The following CDH23 variants were observed in gnomAD, a reference collection of about 807,000 sequenced individuals.
The protein encoded by CDH23 is cadherin related 23.
A neutral mutation model predicts 317.1 loss-of-function variants in CDH23; 189 were observed. The observed-to-expected ratio is 0.60, with a 90% CI of 0.53 to 0.67. The LOEUF (loss-of-function observed/expected upper bound fraction) is 0.67. Among genes scored for constraint, CDH23 ranks in the 30% least tolerant of loss-of-function variants. The pLI is 0.00. For synonymous variants in CDH23, 1,839 were observed against 1,876.8 expected, an observed-to-expected ratio of 0.98 and a Z score of 0.52; for missense variants, 4,401 against 4,592.4, an observed-to-expected ratio of 0.96 and a Z score of 1.20.
intron 3 of CDH23, among the ~76,000 whole-genome samples, chr10:71,468,132 G>C (rs1851341605): frequency 6.6e-6 from 1 of 152,172 alleles, no homozygotes. Context: ...GTCCTCCTCT[G>C]TCCCCAGTTC....
At chr10:71,811,813 G>A in intron 65 of CDH23, 60 bp downstream of exon 65, 2 of 1,473,606 alleles carry the variant, frequency 1.4e-6, no homozygotes, top group South Asian at 2.4e-5. Flanking sequence ...GACCTGGAGT[G>A]CCCACCGGAG....
rs186895400 is a variant in CDH23, at chr10:71,430,399, G to A, written c.-5-9428G>A. 2.5e-4 allele frequency among the ~76,000 whole-genome samples: 38 copies of A among 152,200 alleles called. 1 individual carries two copies. In the Middle Eastern group the frequency reaches 0.01, roughly 41 times the overall value. On this transcript the variant is annotated intron_variant, in intron 1 of 69. Coordinates refer to ENST00000224721, the MANE Select transcript of CDH23 (RefSeq NM_022124.6). ...ATAACTTGGTGCACCCTCTTTGGAG[G>A]GCAGTTTGCCAACAGCTATGAAAAT...
At chr10:71,400,789 A>G (rs568755898) in intron 1 of CDH23, among the ~76,000 whole-genome samples, 34 of 152,224 alleles carry the variant, frequency 2.2e-4, no homozygotes, top group Admixed American at 3.9e-4. Context: ...ACAGAGTGAG[A>G]CTCCATCTCA....
rs780097768 is a variant in CDH23, at chr10:71,784,395, G to A, written c.5477G>A (p.Arg1826Gln). 1.7e-5 allele frequency: 27 copies of A among 1,613,404 alleles called. No homozygotes were observed. Among genetic ancestry groups the A allele is most frequent in the Admixed American group, 8.3e-5 (5 of 59,964 alleles). ...AACCTGACCATCTGTGCCCGTGACC[G>A]GGGGATGCCCCCACTCAGCTCCACA... Reference protein sequence around the residue: ...FYNLTICARDRGMPPLSSTML... With the variant: ...FYNLTICARDQGMPPLSSTML... Residue 1826 changes from arginine to glutamine, a missense_variant, in exon 42 of 70, where the codon CGG becomes CAG. By Grantham distance (43) the Arg-to-Gln change is conservative (BLOSUM62 1). Around this residue, in one of 3 missense-constraint regions of CDH23, gnomAD observed 3,068 missense variants for 3,203.3 expected, o/e 0.96. Transcript: ENST00000224721.
chr10:71,474,276 A>G (rs909276206), intron 3 of CDH23, among the ~76,000 whole-genome samples: 8 of 152,232 alleles, frequency 5.3e-5, no homozygotes, highest in Non-Finnish European at 1.0e-4. Context: ...GTATGTGCCA[A>G]TCAGCTCCAG....
chr10:71,681,358 T>G (rs1864642371), intron 17 of CDH23, among the ~76,000 whole-genome samples: 2 of 152,154 alleles, frequency 1.3e-5, no homozygotes. Context: ...AATCAATGGC[T>G]TAGCACAAAC....
chr10:71,662,515 G>A (rs908596988), intron 14 of CDH23, among the ~76,000 whole-genome samples: 8 of 152,134 alleles, frequency 5.3e-5, no homozygotes, highest in Non-Finnish European at 1.0e-4. Context: ...TGCTGTCATG[G>A]TAGGAGGCGT....
intron 7 of CDH23, 109 bp downstream of exon 7, chr10:71,567,045 A>T (rs780454059): frequency 8.1e-6 from 8 of 982,340 alleles, no homozygotes; most frequent in Non-Finnish European, 7.6e-6. Flanking sequence ...ACACTCGATG[A>T]TCTATAATAA....
At chr10:71,670,981 T>G (rs1281804492) in intron 14 of CDH23, among the ~76,000 whole-genome samples, 3 of 146,730 alleles carry the variant, frequency 2.0e-5, no homozygotes, top group African/African-American at 7.7e-5. Flanking sequence ...TTTTTTTTTT[T>G]GACAGGGTCT....
rs397517314 is a variant in CDH23, at chr10:71,690,557, A to G, written c.2149A>G (p.Thr717Ala). 1.2e-6 allele frequency: 2 copies of G among 1,606,814 alleles called. No homozygotes were observed. Among genetic ancestry groups the G allele is most frequent in the Non-Finnish European group, 1.7e-6 (2 of 1,176,788 alleles). Residue 717 changes from threonine (T) to alanine (A), a missense_variant, in exon 20 of 70, where the codon ACC becomes GCC. Physicochemically the swap from Thr to Ala is moderately conservative, Grantham distance 58 (BLOSUM62 0). Transcript: ENST00000224721. ...CATCATCTACTCCTTGGAAGGCTCC[A>G]CCCAGTTTCGGATCAATGCCCGCTC... ...ESIIYSLEGS[T>A]QFRINARSGE...
Position 71,759,914 on chromosome 10 carries a change from CAT to C in CDH23, c.4846-17760_4846-17759del, listed in dbSNP as rs1564779323. Among the ~76,000 whole-genome samples the C allele has an allele frequency of 1.1e-4, 6 of 56,820 alleles. No individual in the cohort carries two copies. In the South Asian group the frequency reaches 1.9e-3, roughly 18 times the overall value. The allele number at this position is 56,820 out of a possible 152,430, so 37.3% of individuals were successfully genotyped here. ...ACACACACACATATATACACACACACATATATACACACACACATATATACACA... is the reference window on the plus strand; with the variant it reads ...ACACACACACATATATACACACACACATATACACACACACATATATACACA... On this transcript the variant is annotated intron_variant, in intron 38 of 69. Coordinates refer to ENST00000224721, the MANE Select transcript of CDH23 (RefSeq NM_022124.6).
At chr10:71,495,644 G>A (rs1852917312) in intron 3 of CDH23, among the ~76,000 whole-genome samples, 2 of 151,686 alleles carry the variant, frequency 1.3e-5, no homozygotes, top group East Asian at 3.9e-4. Context: ...CCCAGCCTGG[G>A]CAACACAACA....
rs1002481653 is a variant in CDH23, at chr10:71,793,276, C to G, written c.6348C>G (p.Phe2116Leu). The G allele has an allele frequency of 6.2e-7, 1 of 1,613,868 alleles. No individual in the cohort carries two copies. Among genetic ancestry groups the G allele is most frequent in the African/African-American group, 1.3e-5 (1 of 74,926 alleles). Residue 2116 changes from phenylalanine (F) to leucine (L), a missense_variant, in exon 48 of 70, where the codon TTC becomes TTG. Phe to Leu is a conservative substitution (Grantham distance 22). Around this residue, in one of 3 missense-constraint regions of CDH23, gnomAD observed 3,068 missense variants for 3,203.3 expected, o/e 0.96. Coordinates refer to ENST00000224721, the MANE Select transcript of CDH23 (RefSeq NM_022124.6). Reference protein sequence around the residue: ...YRIEAGAQDRFLIHLVTGVIR... With the variant: ...YRIEAGAQDRLLIHLVTGVIR... ...TAGAAGCTGGGGCTCAGGACCGCTTCCTCATTCATCTGGTCACCGGGGTCA... is the reference window on the plus strand; with the variant it reads ...TAGAAGCTGGGGCTCAGGACCGCTTGCTCATTCATCTGGTCACCGGGGTCA...
Position 71,518,726 on chromosome 10 carries a change from C to A in CDH23, c.429+7514C>A, listed in dbSNP as rs76947297. On this transcript the variant is annotated intron_variant, in intron 6 of 69. Transcript: ENST00000224721. ...GCTAAATGCCAGCCTGCTCCCCTTG[C>A]CTGCAGGGAAGATTCAACATTTTCT... is the stretch of plus-strand genomic sequence containing the variant. Among the ~76,000 whole-genome samples, 870 of 152,372 alleles carry A rather than the reference C, an allele frequency of 5.7e-3. 38 individuals are homozygous for A. In the East Asian group the frequency reaches 0.12, roughly 21 times the overall value.
chr10:71,643,894 T>G (rs776889648), intron 12 of CDH23, 28 bp downstream of exon 12: 1 of 766,024 alleles, frequency 1.3e-6, no homozygotes, highest in Non-Finnish European at 2.4e-6. Flanking sequence ...GGGCAGGGGT[T>G]GGGCTTGGGG....
chr10:71,667,359 A>AGAGAGAGAGAGTGTGTGTGTGTGTGT (rs58361666), intron 14 of CDH23, among the ~76,000 whole-genome samples: 2 of 112,080 alleles, frequency 1.8e-5, no homozygotes, highest in Non-Finnish European at 3.5e-5. Flanking sequence ...AGAGAGAGAG[A>AGAGAGAGAGAGTGTGTGTGTGTGTGT]GTGTGTGTGT....
At chr10:71,773,593 C>T in intron 38 of CDH23, 2 of 609,856 alleles carry the variant, frequency 3.3e-6, no homozygotes, top group South Asian at 3.0e-5. Context: ...CGCGCAGCGC[C>T]CCCGGGGGGC....
chr10:71,657,133 A>G (rs371062051), intron 14 of CDH23, among the ~76,000 whole-genome samples: 1 of 152,100 alleles, frequency 6.6e-6, no homozygotes, highest in African/African-American at 2.4e-5. Context: ...TCTCCGCCTG[A>G]CTGACCAGGT....
chr10:71,510,772 T>C (rs1296478704), intron 4 of CDH23, among the ~76,000 whole-genome samples, 182 bp from the exon 5 acceptor site: 1 of 152,132 alleles, frequency 6.6e-6, no homozygotes. Flanking sequence ...CAAGGATCCA[T>C]ATTCCACACC....
Sources: gnomAD v4.1 joint callset for allele counts (sites outside exome capture counted in the v4.1 genomes callset) on GRCh38, gnomAD v4.1.1 for gene constraint, gnomAD v4.1.1 regional missense constraint, MANE v1.5 for transcripts, NCBI Gene and HGNC (gene_info 2026-07-23, HGNC 2026-07-21) for gene names.